The following FBLN7 variants were observed in gnomAD, a reference collection of about 807,000 sequenced individuals.
FBLN7 encodes fibulin 7.
A neutral mutation model predicts 44.0 loss-of-function variants in FBLN7; 31 were observed. The ratio of observed to expected loss-of-function variants is 0.70; its 90% CI spans 0.53 to 0.95. FBLN7 has a LOEUF of 0.95. Ranked by LOEUF, FBLN7 falls within the 40% of genes least tolerant of loss-of-function variation. The pLI is 0.00. For synonymous variants in FBLN7, 262 were observed against 253.4 expected, an observed-to-expected ratio of 1.03 and a Z score of -0.32; for missense variants, 573 against 618.5, an observed-to-expected ratio of 0.93 and a Z score of 0.78.
intron 1 of FBLN7, among the ~76,000 whole-genome samples, chr2:112,157,167 C>T (rs545014478): frequency 3.9e-5 from 6 of 152,070 alleles, no homozygotes; most frequent in Non-Finnish European, 8.8e-5. Flanking sequence ...GTCAGGAGTT[C>T]GAGACCAGCC....
chr2:112,239,579 CTTTT>C, the FBLN7 span, among the ~76,000 whole-genome samples: 8 of 86,486 alleles, frequency 9.3e-5, no homozygotes, highest in Middle Eastern at 9.4e-3. Flanking sequence ...TAACAGTTTA[CTTTT>C]TTTTTTTTTT....
In FBLN7 at chr2:112,148,242, C is replaced by T. The variant is rs377323317; in HGVS notation, c.75+9512C>T. ...CCTAGAGTCCAGGTTGAGATGGCTCCTCAGTCACTCTAGAGCTTGGCATGA... is the reference window on the plus strand; with the variant it reads ...CCTAGAGTCCAGGTTGAGATGGCTCTTCAGTCACTCTAGAGCTTGGCATGA... On this transcript the variant is annotated intron_variant, in intron 1 of 7. Transcript: ENST00000331203. 3.3e-4 allele frequency among the ~76,000 whole-genome samples: 51 copies of T among 152,254 alleles called. No individual in the cohort carries two copies. In the East Asian group the frequency reaches 4.4e-3, roughly 13 times the overall value.
chr2:112,171,815 TG>T (rs1558887525), intron 3 of FBLN7, among the ~76,000 whole-genome samples: 1 of 152,190 alleles, frequency 6.6e-6, no homozygotes, highest in Non-Finnish European at 1.5e-5. Flanking sequence ...GGCACAATCT[TG>T]GCTCACTGCA....
the FBLN7 span, among the ~76,000 whole-genome samples, chr2:112,222,220 A>G: frequency 1.3e-5 from 2 of 152,130 alleles, no homozygotes; most frequent in Non-Finnish European, 2.9e-5. Context: ...CAGGAACCTC[A>G]GTTGACAGAT....
intron 3 of FBLN7, among the ~76,000 whole-genome samples, chr2:112,166,931 G>A (rs185808638): frequency 1.2e-3 from 178 of 152,148 alleles, no homozygotes; most frequent in African/African-American, 4.0e-3. Flanking sequence ...GTCAACTCCC[G>A]GCCACCACAA....
chr2:112,150,082 C>A (rs1041013366), intron 1 of FBLN7, among the ~76,000 whole-genome samples: 9 of 152,184 alleles, frequency 5.9e-5, no homozygotes, highest in Non-Finnish European at 1.0e-4. Context: ...ACCCTTGGCC[C>A]CGTTCTTGCC....
the FBLN7 span, among the ~76,000 whole-genome samples, chr2:112,205,839 T>A: frequency 6.6e-6 from 1 of 152,324 alleles, no homozygotes; most frequent in African/African-American, 2.4e-5. Flanking sequence ...AGAATGAGCT[T>A]GTCTATACGT....
Position 112,182,798 on chromosome 2 carries a change from C to A in FBLN7, c.678C>A (p.Asn226Lys). Residue 226 changes from asparagine (N) to lysine (K), a missense_variant, in exon 6 of 8, where the codon AAC (asparagine) becomes AAA (lysine). Transcript: ENST00000331203. Reference protein sequence around the residue: ...AAGDSVCQDVNECELYGQEGR... With the variant: ...AAGDSVCQDVKECELYGQEGR... ...GAGCACTTCTGTCTGCAGACGTGAACGAGTGTGAGCTCTACGGGCAGGAGG... is the reference window on the plus strand; with the variant it reads ...GAGCACTTCTGTCTGCAGACGTGAAAGAGTGTGAGCTCTACGGGCAGGAGG... 6.2e-7 allele frequency: 1 copy of A among 1,601,516 alleles called. No homozygotes were observed. The highest frequency in any genetic ancestry group is 8.5e-7 in the Non-Finnish European group (1 of 1,174,852).
intron 5 of FBLN7, 27 bp downstream of exon 5, chr2:112,181,903 G>T: frequency 1.3e-6 from 2 of 1,532,594 alleles, no homozygotes; most frequent in South Asian, 2.4e-5. Flanking sequence ...CCAGGACACT[G>T]GGGACAGCAC....
At chr2:112,239,378 G>A in the FBLN7 span, among the ~76,000 whole-genome samples, 1 of 152,018 alleles carries the variant, frequency 6.6e-6, no homozygotes, top group Non-Finnish European at 1.5e-5. Flanking sequence ...GTATCAAAGG[G>A]CTCCTATTCT....
At chr2:112,193,433 C>T in the FBLN7 span, among the ~76,000 whole-genome samples, 1 of 152,098 alleles carries the variant, frequency 6.6e-6, no homozygotes, top group Non-Finnish European at 1.5e-5. Flanking sequence ...GAGCAAGACT[C>T]TGTCTCAAAA....
the FBLN7 span, chr2:112,212,457 T>C: frequency 6.6e-6 from 1 of 152,254 alleles, no homozygotes. Flanking sequence ...ACATGGACTT[T>C]GGGAAGAAGA....
chr2:112,165,146 G>T lies in FBLN7; in HGVS notation c.381G>T (p.Trp127Cys). 1.2e-6 allele frequency: 2 copies of T among 1,614,212 alleles called. No homozygotes were observed. The highest frequency in any genetic ancestry group is 1.7e-6 in the Non-Finnish European group (2 of 1,180,038). Residue 127 changes from tryptophan to cysteine, a missense_variant, in exon 3 of 8, where the codon TGG becomes TGT. Physicochemically the swap from Trp to Cys is radical, Grantham distance 215. Coordinates refer to ENST00000331203, the MANE Select transcript of FBLN7 (RefSeq NM_153214.3). ...TGGTGTGTCTTCCCAATGGCACCTG[G>T]ACAGGGGAGCAGCCCCACTGTAGAG... ...SSVVCLPNGT[W>C]TGEQPHCRGI...
chr2:112,228,864 A>G, the FBLN7 span, among the ~76,000 whole-genome samples: 1 of 152,212 alleles, frequency 6.6e-6, no homozygotes, highest in African/African-American at 2.4e-5. Context: ...ACATACGTAA[A>G]GAACTCCTAA....
chr2:112,140,488 C>T (rs1419196826), intron 1 of FBLN7, among the ~76,000 whole-genome samples: 2 of 152,146 alleles, frequency 1.3e-5, no homozygotes, highest in Non-Finnish European at 2.9e-5. Flanking sequence ...GGTGCAGGGT[C>T]CCCCACCTGT....
At chr2:112,203,938 C>T in the FBLN7 span, among the ~76,000 whole-genome samples, 1 of 152,138 alleles carries the variant, frequency 6.6e-6, no homozygotes, top group African/African-American at 2.4e-5. Flanking sequence ...CTCCCTCCCA[C>T]AAAATGTGGG....
chr2:112,209,683 T>C, the FBLN7 span, among the ~76,000 whole-genome samples: 3 of 151,792 alleles, frequency 2.0e-5, no homozygotes, highest in African/African-American at 2.4e-5. Context: ...CAGACAAAAA[T>C]TGAAGTCACA....
chr2:112,142,489 G>A (rs1680695718), intron 1 of FBLN7, among the ~76,000 whole-genome samples: 1 of 152,170 alleles, frequency 6.6e-6, no homozygotes, highest in African/African-American at 2.4e-5. Flanking sequence ...AGAGCCATTG[G>A]TTGGTGGAGA....
At chr2:112,235,516 A>T in the FBLN7 span, among the ~76,000 whole-genome samples, 3 of 152,152 alleles carry the variant, frequency 2.0e-5, no homozygotes, top group Non-Finnish European at 4.4e-5. Flanking sequence ...TAAAATATGG[A>T]GGCAGGGGAC....
Sources: gnomAD v4.1 joint callset for allele counts (sites outside exome capture counted in the v4.1 genomes callset) on GRCh38, gnomAD v4.1.1 for gene constraint, MANE v1.5 for transcripts, NCBI Gene and HGNC (gene_info 2026-07-23, HGNC 2026-07-21) for gene names.